IGSF21: variants seen among roughly 807,000 people sequenced by gnomAD.
IGSF21 encodes immunoglobulin superfamily member 21.
Under a neutral mutation model 46.8 loss-of-function variants are expected in IGSF21, and 28 were observed. The ratio of observed to expected loss-of-function variants is 0.60; its 90% CI spans 0.44 to 0.82. The LOEUF (loss-of-function observed/expected upper bound fraction) is 0.82, where lower values mean the gene tolerates loss of function less well. Among genes scored for constraint, IGSF21 ranks in the 40% least tolerant of loss-of-function variants. The pLI is 0.00. For missense variants in IGSF21, 624 were observed against 665.5 expected, an observed-to-expected ratio of 0.94 and a Z score of 0.69; for synonymous variants, 284 against 273.6, an observed-to-expected ratio of 1.04 and a Z score of -0.38.
chr1:18,154,543 C>T (rs2124437110), intron 1 of IGSF21, among the ~76,000 whole-genome samples: 1 of 151,814 alleles, frequency 6.6e-6, no homozygotes, highest in South Asian at 2.1e-4. Context: ...TCCCCAGCTG[C>T]AATGGATCTG....
intron 3 of IGSF21, among the ~76,000 whole-genome samples, chr1:18,300,776 TC>T (rs2085353057): frequency 6.6e-6 from 1 of 152,074 alleles, no homozygotes; most frequent in Admixed American, 6.5e-5. Flanking sequence ...AGCTAGAAGT[TC>T]CACTGGACCC....
intron 2 of IGSF21, among the ~76,000 whole-genome samples, chr1:18,281,121 G>A (rs922967408): frequency 1.1e-4 from 10 of 90,196 alleles, no homozygotes; most frequent in Non-Finnish European, 2.2e-4. Context: ...AGAAATGAAC[G>A]AATGAATGAA....
intron 2 of IGSF21, among the ~76,000 whole-genome samples, chr1:18,279,965 C>T (rs914246815): frequency 6.6e-6 from 1 of 152,204 alleles, no homozygotes; most frequent in Admixed American, 6.5e-5. Flanking sequence ...CAGCAAGGGC[C>T]CTCTCCGAGG....
intron 1 of IGSF21, among the ~76,000 whole-genome samples, chr1:18,116,040 TC>T (rs2086187654): frequency 6.6e-6 from 1 of 151,912 alleles, no homozygotes; most frequent in Non-Finnish European, 1.5e-5. Context: ...GATAATATTC[TC>T]CCCCTTTACA....
intron 1 of IGSF21, among the ~76,000 whole-genome samples, chr1:18,176,730 G>T (rs969252641): frequency 2.6e-5 from 4 of 152,116 alleles, no homozygotes; most frequent in African/African-American, 7.2e-5. Flanking sequence ...TCTCCACAGA[G>T]AATTTAGAAT....
chr1:18,292,008 G>A (rs777718369), intron 3 of IGSF21, 21 bp downstream of exon 3: 4 of 1,610,098 alleles, frequency 2.5e-6, no homozygotes, highest in Non-Finnish European at 2.5e-6. Context: ...GGGGGTGGCG[G>A]GCCGACAGCG....
intron 3 of IGSF21, among the ~76,000 whole-genome samples, chr1:18,302,163 CAA>C (rs71493543): frequency 1.4e-4 from 1 of 7,176 alleles, no homozygotes; most frequent in Non-Finnish European, 2.4e-4. Context: ...TTTCAAAGCC[CAA>C]AGGTGCTCCA....
chr1:18,120,984 C>T (rs912277360), intron 1 of IGSF21, among the ~76,000 whole-genome samples: 1 of 152,184 alleles, frequency 6.6e-6, no homozygotes, highest in Non-Finnish European at 1.5e-5. Flanking sequence ...CTATTTTCCA[C>T]CCTATTTCAC....
intron 4 of IGSF21, among the ~76,000 whole-genome samples, chr1:18,355,369 G>T (rs752507675): frequency 6.6e-6 from 1 of 152,140 alleles, no homozygotes; most frequent in Non-Finnish European, 1.5e-5. Context: ...ATAAAGACAG[G>T]CAATATTTCG....
intron 2 of IGSF21, among the ~76,000 whole-genome samples, chr1:18,243,917 G>C (rs959795595): frequency 6.6e-6 from 1 of 152,158 alleles, no homozygotes; most frequent in Non-Finnish European, 1.5e-5. Flanking sequence ...CTCTTCCTCT[G>C]TCACCTCCCC....
intron 6 of IGSF21, among the ~76,000 whole-genome samples, chr1:18,369,134 G>A (rs1300992888): frequency 6.6e-6 from 1 of 152,158 alleles, no homozygotes; most frequent in Non-Finnish European, 1.5e-5. Context: ...ACACAGCAGG[G>A]CCACCAAGAT....
intron 6 of IGSF21, among the ~76,000 whole-genome samples, chr1:18,367,048 G>T (rs1273015534): frequency 6.6e-6 from 1 of 152,140 alleles, no homozygotes; most frequent in South Asian, 2.1e-4. Context: ...GCCCCCAGCA[G>T]CTCCTCCCTG....
chr1:18,117,262 A>C (rs1329037445), intron 1 of IGSF21, among the ~76,000 whole-genome samples: 1 of 152,184 alleles, frequency 6.6e-6, no homozygotes, highest in Non-Finnish European at 1.5e-5. Flanking sequence ...CCCAGTGAGG[A>C]GGGAAAGCCA....
chr1:18,222,942 T>C (rs1460937881), intron 1 of IGSF21, among the ~76,000 whole-genome samples: 1 of 152,204 alleles, frequency 6.6e-6, no homozygotes, highest in South Asian at 2.1e-4. Flanking sequence ...CAGGTGTTGA[T>C]TGGTGCTGTC....
chr1:18,127,051 G>A (rs1440601266), intron 1 of IGSF21, among the ~76,000 whole-genome samples: 2 of 152,202 alleles, frequency 1.3e-5, no homozygotes, highest in African/African-American at 4.8e-5. Flanking sequence ...TTCCCAGGCT[G>A]CTCATGTTCC....
intron 5 of IGSF21, 72 bp downstream of exon 5, chr1:18,362,302 A>G: frequency 9.2e-7 from 1 of 1,085,124 alleles, no homozygotes; most frequent in Non-Finnish European, 1.4e-6. Context: ...GTCCAGCTGC[A>G]GGTGTCGCCA....
chr1:18,377,446 T>C lies in IGSF21; in HGVS notation c.1333+15T>C, dbSNP rs747469744. 5.6e-6 allele frequency: 9 copies of C among 1,611,034 alleles called. No individual in the cohort carries two copies. In the East Asian group the frequency reaches 2.0e-4, roughly 36 times the overall value. On this transcript the variant is annotated intron_variant, in intron 9 of 9. Coordinates refer to ENST00000251296, the MANE Select transcript of IGSF21 (RefSeq NM_032880.5). ...GGACTCTAATGGTAAGTCTCTACCCTCAGGATTTTTTGCTTAAAAGGGAGT... is the reference window on the plus strand; with the variant it reads ...GGACTCTAATGGTAAGTCTCTACCCCCAGGATTTTTTGCTTAAAAGGGAGT...
chr1:18,244,029 C>G (rs1281972001), intron 2 of IGSF21, among the ~76,000 whole-genome samples: 1 of 152,198 alleles, frequency 6.6e-6, no homozygotes, highest in Non-Finnish European at 1.5e-5. Context: ...CTGGAACAGT[C>G]CAGATGGCGC....
At chr1:18,329,166 G>C (rs2085686774) in intron 3 of IGSF21, among the ~76,000 whole-genome samples, 1 of 145,514 alleles carries the variant, frequency 6.9e-6, no homozygotes, top group Non-Finnish European at 1.5e-5. Context: ...GAGCATTCAT[G>C]GGCTCCAGCC....
Sources: allele counts gnomAD v4.1 joint callset (sites outside exome capture counted in the v4.1 genomes callset), GRCh38; gene constraint gnomAD v4.1.1; transcripts MANE v1.5; gene names NCBI Gene and HGNC (gene_info 2026-07-23, HGNC 2026-07-21).